The following PDYN variants were observed in gnomAD, a reference collection of about 807,000 sequenced individuals.
The protein encoded by PDYN is prodynorphin.
In PDYN, 5 loss-of-function variants were observed where a neutral mutation model predicts 11.4. That is an observed-to-expected ratio of 0.44 (90% CI 0.23 to 0.92). PDYN has a LOEUF of 0.92. Ranked by LOEUF, PDYN falls within the 40% of genes least tolerant of loss-of-function variation. The probability of loss-of-function intolerance (pLI) is 0.24; values close to 1 mark genes in which losing one functional copy is unlikely to be tolerated. For missense variants in PDYN, 337 were observed against 317.3 expected (o/e 1.06, Z -0.47); for synonymous variants, 132 against 129.5 (o/e 1.02, Z -0.13).
At position 1,980,420 on chromosome 20, in the gene PDYN, T is replaced by G. The variant is rs1401791876; in HGVS notation, c.668A>C (p.Gln223Pro). Residue 223 changes from glutamine to proline, a missense_variant, in exon 4 of 4, where the codon CAG (glutamine) becomes CCG (proline). Transcript: ENST00000217305. ...RIRPKLKWDNQKRYGGFLRRQ... is the reference protein window; with the variant it reads ...RIRPKLKWDNPKRYGGFLRRQ... ...CCGGAGAAAACCGCCATAGCGCTTC[T>G]GGTTGTCCCACTTGAGCTTGGGACG... 2 of 1,614,200 alleles carry G rather than the reference T, an allele frequency of 1.2e-6. No individual in the cohort carries two copies. The highest frequency in any genetic ancestry group is 2.2e-5 in the East Asian group (1 of 44,874).
chr20:1,992,864 G>A (rs1176581131), intron 1 of PDYN, among the ~76,000 whole-genome samples: 1 of 152,158 alleles, frequency 6.6e-6, no homozygotes, highest in African/African-American at 2.4e-5. Context: ...GAAGAAAGAT[G>A]ATAATGAAGA....
chr20:1,985,545 C>T (rs187747861), intron 2 of PDYN, among the ~76,000 whole-genome samples: 2 of 152,302 alleles, frequency 1.3e-5, no homozygotes, highest in East Asian at 1.9e-4. Context: ...GTGTATTGTA[C>T]TTAGCCTACC....
intron 2 of PDYN, among the ~76,000 whole-genome samples, chr20:1,983,978 G>C (rs956588341): frequency 6.6e-6 from 1 of 152,156 alleles, no homozygotes; most frequent in Non-Finnish European, 1.5e-5. Flanking sequence ...TCTGTTACCT[G>C]TCATTTAGGT....
At chr20:1,991,383 C>T (rs1988440648) in intron 2 of PDYN, among the ~76,000 whole-genome samples, 1 of 152,212 alleles carries the variant, frequency 6.6e-6, no homozygotes, top group Non-Finnish European at 1.5e-5. Context: ...TCGGAGGAGC[C>T]CCCTGAGCCA....
At chr20:1,983,466 T>C (rs967338150) in intron 2 of PDYN, among the ~76,000 whole-genome samples, 2 of 152,092 alleles carry the variant, frequency 1.3e-5, no homozygotes, top group Non-Finnish European at 2.9e-5. Flanking sequence ...TTGCTCTGGG[T>C]CTTTCAGACT....
chr20:1,987,118 C>A (rs530174754), intron 2 of PDYN, among the ~76,000 whole-genome samples: 1 of 151,996 alleles, frequency 6.6e-6, no homozygotes, highest in Non-Finnish European at 1.5e-5. Context: ...CATGAAGGGA[C>A]GTAAGGGAGA....
intron 2 of PDYN, among the ~76,000 whole-genome samples, chr20:1,987,735 CTT>C (rs1271684589): frequency 6.6e-6 from 1 of 152,226 alleles, no homozygotes; most frequent in African/African-American, 2.4e-5. Context: ...AGGAAAATGA[CTT>C]AGCTTTACTG....
Position 1,978,987 on chromosome 20 carries a change from C to G in PDYN, c.*1336G>C, listed in dbSNP as rs1402086088. On this transcript the variant is annotated 3_prime_UTR_variant, in exon 4 of 4. Transcript: ENST00000217305. ...AAATTATCCAGACTCAAGCCTTTTC[C>G]TCTCCTATCCAGCCTCATCTCCTGG... 1.3e-5 allele frequency: 2 copies of G among 152,208 alleles called. No homozygotes were observed. The highest frequency in any genetic ancestry group is 2.9e-5 in the Non-Finnish European group (2 of 68,046). 9.4% of individuals were successfully genotyped at this position (152,208 alleles called of 1,614,324 possible). A position where few individuals can be genotyped will look rare whatever the true frequency, so the allele number is the denominator to read the frequency against.
At chr20:1,982,021 C>T (rs1987843594) in intron 3 of PDYN, among the ~76,000 whole-genome samples, 1 of 151,684 alleles carries the variant, frequency 6.6e-6, no homozygotes, top group Non-Finnish European at 1.5e-5. Context: ...CTTTGGAAGG[C>T]CGAGGTGGGC....
intron 2 of PDYN, 150 bp from the exon 3 acceptor site, chr20:1,983,253 G>C: frequency 2.7e-6 from 2 of 743,234 alleles, no homozygotes; most frequent in African/African-American, 3.5e-5. Flanking sequence ...GAGGCCCAGG[G>C]AGGTAAAGCA....
At chr20:1,982,429 C>T (rs976936320) in intron 3 of PDYN, among the ~76,000 whole-genome samples, 1 of 152,082 alleles carries the variant, frequency 6.6e-6, no homozygotes, top group Non-Finnish European at 1.5e-5. Context: ...CTATTCCAGC[C>T]TTTCTGCTGT....
At chr20:1,987,126 A>G (rs1418039) in intron 2 of PDYN, among the ~76,000 whole-genome samples, 8,450 of 152,150 alleles carry the variant, frequency 0.056, 729 homozygotes, top group African/African-American at 0.19. Context: ...GACGTAAGGG[A>G]GAGACTGGGG....
intron 1 of PDYN, chr20:1,993,609 G>T (rs1014532943): frequency 1.3e-5 from 2 of 152,238 alleles, no homozygotes; most frequent in African/African-American, 4.8e-5. Flanking sequence ...AATGGCATGG[G>T]AACTGCTGTG....
intron 2 of PDYN, among the ~76,000 whole-genome samples, chr20:1,986,397 A>C (rs1988186166): frequency 6.6e-6 from 1 of 151,866 alleles, no homozygotes; most frequent in African/African-American, 2.4e-5. Flanking sequence ...GTAGCCTCCA[A>C]TCTTTCCCTC....
Position 1,978,782 on chromosome 20 carries a change from G to T in PDYN, c.*1541C>A, listed in dbSNP as rs2122289146. On this transcript the variant is annotated 3_prime_UTR_variant, in exon 4 of 4. Coordinates refer to ENST00000217305, the MANE Select transcript of PDYN (RefSeq NM_024411.5). ...CATCAGCATCTTTCTTTTATTTATT[G>T]TACTGGAGGAGCAGGAAATTACACA... 1 of 152,176 alleles carries T rather than the reference G, an allele frequency of 6.6e-6. No homozygotes were observed. Among genetic ancestry groups the T allele is most frequent in the South Asian group, 2.1e-4 (1 of 4,818 alleles). 9.4% of individuals were successfully genotyped at this position (152,176 alleles called of 1,614,324 possible).
rs1250786010 is a variant in PDYN at position 1,983,111 on chromosome 20, G to A, written c.-19-8C>T. 1.7e-5 allele frequency: 28 copies of A among 1,609,328 alleles called. No homozygotes were observed. Among genetic ancestry groups the A allele is most frequent in the Non-Finnish European group, 2.3e-5 (27 of 1,178,162 alleles). On this transcript the variant is annotated splice_region_variant and splice_polypyrimidine_tract_variant and intron_variant, in intron 2 of 3. Transcript: ENST00000217305. ...CTGTCTCAGCAATTCCTGCTGGGGA[G>A]GAAGAAAGAGAAGATAATGAAATCT...
chr20:1,980,780 A>G lies in PDYN; in HGVS notation c.308T>C (p.Leu103Pro). 1.2e-6 allele frequency: 2 copies of G among 1,614,210 alleles called. 1 individual carries two copies. The change falls in exon 4 of 4, where the codon CTG (leucine) becomes CCG (proline). Residue 103 changes from leucine (L) to proline (P), a missense_variant. Leu to Pro is a moderately conservative substitution (Grantham distance 98). Transcript: ENST00000217305. Reference sequence around the variant, plus strand: ...AAACTTGCTTTTCTCCAGCTCCTTCAGGAATGACCCAGAGAGCTTGGCCAG... The same window carrying G: ...AAACTTGCTTTTCTCCAGCTCCTTCGGGAATGACCCAGAGAGCTTGGCCAG... Reference protein sequence around the residue: ...SELAKLSGSFLKELEKSKFLP... With the variant: ...SELAKLSGSFPKELEKSKFLP...
At chr20:1,984,162 C>T (rs1468911496) in intron 2 of PDYN, among the ~76,000 whole-genome samples, 1 of 152,184 alleles carries the variant, frequency 6.6e-6, no homozygotes, top group Non-Finnish European at 1.5e-5. Flanking sequence ...GTCTTTTTCT[C>T]TGAAATAGTC....
intron 1 of PDYN, among the ~76,000 whole-genome samples, chr20:1,993,227 C>A (rs1988526644): frequency 1.3e-5 from 2 of 152,068 alleles, no homozygotes; most frequent in Non-Finnish European, 2.9e-5. Flanking sequence ...AGCAACAAGT[C>A]CTTTCCAAGT....
Sources: allele counts gnomAD v4.1 joint callset (sites outside exome capture counted in the v4.1 genomes callset), GRCh38; gene constraint gnomAD v4.1.1; transcripts MANE v1.5; gene names NCBI Gene and HGNC (gene_info 2026-07-23, HGNC 2026-07-21).